NKAIN2: variants seen among roughly 807,000 people sequenced by gnomAD.
NKAIN2 encodes the protein sodium/potassium-transporting ATPase subunit beta-1-interacting protein 2.
In NKAIN2, 14 loss-of-function variants were observed where a neutral mutation model predicts 32.6. That is an observed-to-expected ratio of 0.43 (90% CI 0.28 to 0.67). The LOEUF (loss-of-function observed/expected upper bound fraction) is 0.67, where lower values mean the gene tolerates loss of function less well. Ranked by LOEUF, NKAIN2 falls within the 30% of genes least tolerant of loss-of-function variation. The pLI, the probability that NKAIN2 is intolerant of heterozygous loss-of-function variation, is 0.17. For missense variants in NKAIN2, 198 were observed against 258.3 expected, an observed-to-expected ratio of 0.77 and a Z score of 1.60; for synonymous variants, 80 against 87.2, an observed-to-expected ratio of 0.92 and a Z score of 0.46.
intron 1 of NKAIN2, among the ~76,000 whole-genome samples, chr6:124,033,700 G>T (rs184190043): frequency 6.6e-6 from 1 of 152,216 alleles, no homozygotes; most frequent in African/African-American, 2.4e-5. Context: ...AACACTGTTG[G>T]GAATTTGGTT....
chr6:124,030,647 A>G (rs1189141441), intron 1 of NKAIN2, among the ~76,000 whole-genome samples: 1 of 152,204 alleles, frequency 6.6e-6, no homozygotes, highest in African/African-American at 2.4e-5. Flanking sequence ...ATGCCAGTTA[A>G]GAAGTAACTC....
chr6:124,679,257 A>C (rs1773507492), intron 4 of NKAIN2, among the ~76,000 whole-genome samples: 1 of 152,118 alleles, frequency 6.6e-6, no homozygotes, highest in African/African-American at 2.4e-5. Flanking sequence ...ACCCGGGACA[A>C]GGGTGGGACT....
intron 1 of NKAIN2, among the ~76,000 whole-genome samples, chr6:124,197,002 T>C (rs77926676): frequency 6.6e-6 from 1 of 151,756 alleles, no homozygotes; most frequent in African/African-American, 2.4e-5. Flanking sequence ...GTCTATATCA[T>C]TAGAGAAAGA....
intron 1 of NKAIN2, among the ~76,000 whole-genome samples, chr6:123,931,917 T>A (rs235698): frequency 6.6e-6 from 1 of 151,944 alleles, no homozygotes; most frequent in Non-Finnish European, 1.5e-5. Flanking sequence ...CTCTCTAGTT[T>A]GACAATATCT....
intron 1 of NKAIN2, among the ~76,000 whole-genome samples, chr6:123,822,913 T>C (rs1359876116): frequency 1.3e-5 from 2 of 152,208 alleles, no homozygotes; most frequent in Non-Finnish European, 2.9e-5. Flanking sequence ...CTATAAATGA[T>C]ATTTTTTGAC....
rs564529762 is a variant in NKAIN2 at position 123,859,938 on chromosome 6, G to A, written c.54+55684G>A. Among the ~76,000 whole-genome samples the A allele has an allele frequency of 4.5e-4, 68 of 152,150 alleles. 1 individual carries two copies. The highest frequency in any genetic ancestry group is 3.4e-3 in the Middle Eastern group (1 of 292). On this transcript the variant is annotated intron_variant, in intron 1 of 6. Coordinates refer to ENST00000368417, the MANE Select transcript of NKAIN2 (RefSeq NM_001040214.3). The stretch of plus-strand genomic sequence containing the variant: ...ACTCCTGACCTCAAGTGATCCACCC[G>A]CCTCAGCCTCCAAAAGTGCTGGGAT...
intron 3 of NKAIN2, among the ~76,000 whole-genome samples, chr6:124,417,751 C>G (rs1774561301): frequency 1.3e-5 from 2 of 152,158 alleles, no homozygotes. Flanking sequence ...TTTCCTCTGT[C>G]TCAGGCTTTC....
At chr6:124,085,842 G>A (rs1784169783) in intron 1 of NKAIN2, among the ~76,000 whole-genome samples, 1 of 151,786 alleles carries the variant, frequency 6.6e-6, no homozygotes, top group Non-Finnish European at 1.5e-5. Context: ...TTACTTAAAT[G>A]GAGGAAAACA....
At chr6:124,647,252 A>G (rs1283799463) in intron 3 of NKAIN2, among the ~76,000 whole-genome samples, 1 of 151,946 alleles carries the variant, frequency 6.6e-6, no homozygotes, top group East Asian at 1.9e-4. Flanking sequence ...ATATTCTATT[A>G]AAAATGACTT....
At chr6:124,190,327 T>C (rs954982232) in intron 1 of NKAIN2, among the ~76,000 whole-genome samples, 4 of 152,216 alleles carry the variant, frequency 2.6e-5, no homozygotes, top group Non-Finnish European at 5.9e-5. Context: ...TGTTAGCAAT[T>C]ACCTTAAATG....
At chr6:124,000,894 C>T (rs7775695) in intron 1 of NKAIN2, among the ~76,000 whole-genome samples, 1 of 151,802 alleles carries the variant, frequency 6.6e-6, no homozygotes, top group Non-Finnish European at 1.5e-5. Flanking sequence ...CTCACTGTAG[C>T]GTGATTCTTT....
At chr6:124,656,537 T>G (rs1191112252) in intron 3 of NKAIN2, among the ~76,000 whole-genome samples, 1 of 152,060 alleles carries the variant, frequency 6.6e-6, no homozygotes, top group East Asian at 1.9e-4. Flanking sequence ...CTAATGAGAT[T>G]GAAAAGTGTC....
chr6:124,327,504 C>T (rs1192359405), intron 2 of NKAIN2, among the ~76,000 whole-genome samples: 1 of 151,796 alleles, frequency 6.6e-6, no homozygotes, highest in Non-Finnish European at 1.5e-5. Flanking sequence ...CTTTTGCTAC[C>T]TAAGGCATCT....
At chr6:124,388,679 A>G (rs1253652982) in intron 3 of NKAIN2, among the ~76,000 whole-genome samples, 1 of 152,132 alleles carries the variant, frequency 6.6e-6, no homozygotes, top group Admixed American at 6.6e-5. Flanking sequence ...CGGTGATTTA[A>G]TGATCATTAG....
chr6:123,892,943 G>T (rs971558966), intron 1 of NKAIN2, among the ~76,000 whole-genome samples: 7 of 151,212 alleles, frequency 4.6e-5, no homozygotes, highest in African/African-American at 1.7e-4. Flanking sequence ...ATAAAGTTGG[G>T]CAACAAGCAG....
At position 124,784,648 on chromosome 6, in the gene NKAIN2, C is replaced by A. The variant is rs529415473; in HGVS notation, c.475-6691C>A. On this transcript the variant is annotated intron_variant, in intron 4 of 6. Coordinates refer to ENST00000368417, the MANE Select transcript of NKAIN2 (RefSeq NM_001040214.3). The stretch of plus-strand genomic sequence containing the variant: ...AACCCACAGAATGACGCTGGGGTTG[C>A]GCCCACTTTGGGGCGTTATGAATAG... Among the ~76,000 whole-genome samples the A allele has an allele frequency of 2.0e-5, 3 of 152,136 alleles. No individual in the cohort carries two copies. The East Asian group carries it at 5.8e-4, about 29-fold the overall frequency.
chr6:123,955,297 G>A (rs144499410), intron 1 of NKAIN2, among the ~76,000 whole-genome samples: 16 of 151,788 alleles, frequency 1.1e-4, no homozygotes, highest in African/African-American at 3.9e-4. Context: ...ATTGAGAACT[G>A]TTTATCATTA....
At chr6:124,528,656 A>G (rs1343748033) in intron 3 of NKAIN2, among the ~76,000 whole-genome samples, 1 of 152,210 alleles carries the variant, frequency 6.6e-6, no homozygotes, top group Non-Finnish European at 1.5e-5. Context: ...TTTGGGGAGA[A>G]TTAATAACAC....
chr6:124,309,638 A>G (rs1461214169), intron 2 of NKAIN2, among the ~76,000 whole-genome samples: 1 of 152,070 alleles, frequency 6.6e-6, no homozygotes, highest in African/African-American at 2.4e-5. Context: ...AGAACCTTAC[A>G]TTGTATGGCC....
Sources: gnomAD v4.1 joint callset for allele counts (sites outside exome capture counted in the v4.1 genomes callset) on GRCh38, gnomAD v4.1.1 for gene constraint, MANE v1.5 for transcripts, NCBI Gene and HGNC (gene_info 2026-07-23, HGNC 2026-07-21) for gene names.